The following MYO15B variants were observed in gnomAD, a reference collection of about 807,000 sequenced individuals.
The protein encoded by MYO15B is myosin XVB.
In MYO15B, 207 loss-of-function variants were observed where a neutral mutation model predicts 119.3. The ratio of observed to expected loss-of-function variants is 1.73; its 90% CI spans 1.55 to 1.95. The LOEUF is 1.95. Among genes scored for constraint, MYO15B ranks in the 30% most tolerant of loss-of-function variants. The probability of loss-of-function intolerance (pLI) is 0.00; values close to 1 mark genes in which losing one functional copy is unlikely to be tolerated. For synonymous variants in MYO15B, 966 were observed against 498.9 expected (o/e 1.94, Z -12.48); for missense variants, 2,264 against 1,203.1 (o/e 1.88, Z -13.04).
intron 14 of MYO15B, among the ~76,000 whole-genome samples, chr17:75,598,301 A>G (rs930279340): frequency 4.6e-5 from 7 of 151,474 alleles, no homozygotes; most frequent in Non-Finnish European, 1.0e-4. Context: ...AAAATGGGCC[A>G]GGCGCGGTGG....
exon 57 of MYO15B, chr17:75,624,407 C>G (rs775279730): frequency 1.4e-6 from 1 of 702,462 alleles, no homozygotes; most frequent in South Asian, 1.5e-5. Context: ...ATTCACCTGC[C>G]GGGGGGTGTG....
chr17:75,605,640 G>A lies in MYO15B; in HGVS notation c.4134+19G>A, dbSNP rs1207441971. 1 of 702,706 alleles carries A rather than the reference G, an allele frequency of 1.4e-6. No homozygotes were observed. The highest frequency in any genetic ancestry group is 2.7e-5 in the East Asian group (1 of 37,268). The allele number at this position is 702,706 out of a possible 1,614,324, so 43.5% of individuals were successfully genotyped here. A position where few individuals can be genotyped will look rare whatever the true frequency, so the allele number is the denominator to read the frequency against. On this transcript the variant is annotated intron_variant, in intron 20 of 63. Coordinates refer to ENST00000645453, the Ensembl canonical transcript of MYO15B. ...CACCAAGGTGGGTGTGTGTATCCCT[G>A]TGTGCAGAGGGCAGCATGAATGGGA... is the stretch of plus-strand genomic sequence containing the variant.
chr17:75,600,112 C>T (rs551201824), intron 14 of MYO15B, among the ~76,000 whole-genome samples: 3 of 149,252 alleles, frequency 2.0e-5, no homozygotes, highest in Non-Finnish European at 1.5e-5. Context: ...CTGCAAACTC[C>T]GCCTCTCGGG....
Position 75,610,263 on chromosome 17 carries a change from C to T in MYO15B, c.4386+4C>T. 1.4e-6 allele frequency: 1 copy of T among 698,508 alleles called. No individual in the cohort carries two copies. The highest frequency in any genetic ancestry group is 2.6e-6 in the Non-Finnish European group (1 of 382,802). The allele number at this position is 698,508 out of a possible 1,614,324, so 43.3% of individuals were successfully genotyped here. The stretch of plus-strand genomic sequence containing the variant: ...CCAGAGGCGGCAGAGACTGCAGGTG[C>T]AGGGGCTTGGGTGGGGCGGTTCAGG... On this transcript the variant is annotated splice_donor_region_variant and intron_variant, in intron 22 of 63. Coordinates refer to ENST00000645453, the Ensembl canonical transcript of MYO15B.
At chr17:75,608,265 C>T (rs1048928370) in intron 21 of MYO15B, among the ~76,000 whole-genome samples, 1 of 151,522 alleles carries the variant, frequency 6.6e-6, no homozygotes, top group Non-Finnish European at 1.5e-5. Flanking sequence ...ATTACAGGCA[C>T]CTGCCACCAT....
At chr17:75,592,177 T>C in intron 6 of MYO15B, 61 bp from the exon 7 acceptor site, 2 of 701,370 alleles carry the variant, frequency 2.9e-6, no homozygotes, top group Admixed American at 2.0e-5. Context: ...GGGCTTCTTC[T>C]GCACGGGGCC....
exon 10 of MYO15B, chr17:75,594,508 T>G (rs1233186903): frequency 1.6e-6 from 1 of 611,650 alleles, no homozygotes; most frequent in Non-Finnish European, 2.9e-6. Context: ...TGTGTCTAGC[T>G]GGGCTGAGAT....
chr17:75,601,287 C>A (rs2057265404), intron 14 of MYO15B, among the ~76,000 whole-genome samples, 151 bp from the exon 15 acceptor site: 1 of 152,194 alleles, frequency 6.6e-6, no homozygotes, highest in Non-Finnish European at 1.5e-5. Flanking sequence ...GATCCGACCA[C>A]CTCGGCCTCC....
intron 56 of MYO15B, 31 bp from the exon 57 acceptor site, chr17:75,624,339 G>A (rs920167037): frequency 2.0e-5 from 14 of 702,678 alleles, no homozygotes; most frequent in African/African-American, 1.7e-4. Context: ...GGAGACCACT[G>A]GCCGACTGAC....
intron 61 of MYO15B, 36 bp downstream of exon 61, chr17:75,625,696 T>C (rs1371798095): frequency 4.3e-6 from 3 of 702,268 alleles, no homozygotes; most frequent in South Asian, 3.0e-5. Flanking sequence ...GGGTGGGGGC[T>C]GGAGGCCAAG....
Position 75,601,432 on chromosome 17 carries a change from T to C in MYO15B, c.3526-6T>C, listed in dbSNP as rs1047032713. 20 of 702,818 alleles carry C rather than the reference T, an allele frequency of 2.8e-5. No individual in the cohort carries two copies. The highest frequency in any genetic ancestry group is 4.0e-5 in the Admixed American group (2 of 49,996). 43.5% of individuals were successfully genotyped at this position (702,818 alleles called of 1,614,324 possible). On this transcript the variant is annotated splice_polypyrimidine_tract_variant and splice_region_variant and intron_variant, in intron 14 of 63. Transcript: ENST00000645453. ...GCGTGAAGGGAGCTCATGGCTCCTCTCCTAGGCCACGGACCACACCTTCCT... is the reference window on the plus strand; with the variant it reads ...GCGTGAAGGGAGCTCATGGCTCCTCCCCTAGGCCACGGACCACACCTTCCT...
chr17:75,617,110 GC>G lies in MYO15B; in HGVS notation c.6626del (p.Pro2209ArgfsTer65), dbSNP rs1288011388. ...ATGCTGTCCCCCAGCCCAGGAAAGG[GC>G]CCCCCGCCAGCTGTGGCTCCTCGAC... On this transcript the variant is annotated frameshift_variant, in exon 41 of 64. Transcript: ENST00000645453. LOFTEE classifies it high-confidence loss of function. The G allele has an allele frequency of 1.5e-6, 1 of 676,136 alleles. No homozygotes were observed. The highest frequency in any genetic ancestry group is 1.5e-5 in the South Asian group (1 of 65,220). 41.9% of individuals were successfully genotyped at this position (676,136 alleles called of 1,614,324 possible). A position where few individuals can be genotyped will look rare whatever the true frequency, so the allele number is the denominator to read the frequency against.
intron 4 of MYO15B, 114 bp from the exon 5 acceptor site, chr17:75,591,487 G>A: frequency 1.5e-6 from 1 of 662,224 alleles, no homozygotes; most frequent in Non-Finnish European, 2.8e-6. Context: ...CCACATTTAT[G>A]GGGGTCTCTC....
chr17:75,617,500 T>C lies in MYO15B; in HGVS notation c.6814+196T>C, dbSNP rs1027997678. On this transcript the variant is annotated intron_variant, in intron 41 of 63. Coordinates refer to ENST00000645453, the Ensembl canonical transcript of MYO15B. Reference sequence around the variant, plus strand: ...CACCCAGGGCAGGGCCTGGGCATCTTTGGGGCTGTCATCGAGAGGCTGTCA... The same window carrying C: ...CACCCAGGGCAGGGCCTGGGCATCTCTGGGGCTGTCATCGAGAGGCTGTCA... 15 of 552,852 alleles carry C rather than the reference T, an allele frequency of 2.7e-5. No homozygotes were observed. In the Admixed American group the frequency reaches 3.2e-4, roughly 12 times the overall value. The allele number at this position is 552,852 out of a possible 1,614,324, so 34.2% of individuals were successfully genotyped here.
chr17:75,618,937 G>C (rs1178081706), intron 43 of MYO15B: 3 of 592,814 alleles, frequency 5.1e-6, no homozygotes, highest in Non-Finnish European at 9.0e-6. Context: ...TTGCAGGGGA[G>C]GGGACAGGTG....
intron 5 of MYO15B, 60 bp from the exon 6 acceptor site, chr17:75,591,917 G>A: frequency 1.5e-6 from 1 of 689,230 alleles, no homozygotes; most frequent in Non-Finnish European, 2.7e-6. Flanking sequence ...CCCTAGCTGG[G>A]ATGCCTGCTG....
chr17:75,592,852 C>T lies in MYO15B; in HGVS notation c.2991+12C>T, dbSNP rs746186601. 19 of 699,120 alleles carry T rather than the reference C, an allele frequency of 2.7e-5. No homozygotes were observed. The highest frequency in any genetic ancestry group is 1.2e-4 in the African/African-American group (7 of 57,198). The allele number at this position is 699,120 out of a possible 1,614,324, so 43.3% of individuals were successfully genotyped here. On this transcript the variant is annotated intron_variant, in intron 9 of 63. Coordinates refer to ENST00000645453, the Ensembl canonical transcript of MYO15B. Reference sequence around the variant, plus strand: ...TCTCCTCCTCAGAGGTGGGCTTCCCCGTGGGCAGGGGCCATCTGGGGTGCT... The same window carrying T: ...TCTCCTCCTCAGAGGTGGGCTTCCCTGTGGGCAGGGGCCATCTGGGGTGCT...
At chr17:75,603,466 CTCTCTCTCTCTT>C (rs1177843362) in intron 19 of MYO15B, among the ~76,000 whole-genome samples, 154 bp downstream of exon 19, 3 of 152,106 alleles carry the variant, frequency 2.0e-5, no homozygotes, top group Non-Finnish European at 4.4e-5. Flanking sequence ...CTCATCCTCT[CTCTCTCTCTCTT>C]TCTCTCTCCA....
intron 62 of MYO15B, 40 bp downstream of exon 62, chr17:75,626,017 T>C (rs920524238): frequency 3.2e-5 from 22 of 698,208 alleles, no homozygotes; most frequent in African/African-American, 5.3e-5. Context: ...CTAGGGACCC[T>C]TGGGCTGTTC....
Sources: allele counts gnomAD v4.1 joint callset (sites outside exome capture counted in the v4.1 genomes callset), GRCh38; gene constraint gnomAD v4.1.1; transcripts MANE v1.5; gene names NCBI Gene and HGNC (gene_info 2026-07-23, HGNC 2026-07-21).